SARDH: variants seen among roughly 807,000 people sequenced by gnomAD.
The protein encoded by SARDH is sarcosine dehydrogenase, mitochondrial.
A neutral mutation model predicts 109.1 loss-of-function variants in SARDH; 95 were observed. The observed-to-expected ratio is 0.87, with a 90% CI of 0.74 to 1.03. The LOEUF is 1.03. Ranked by LOEUF, SARDH falls within the 50% of genes least tolerant of loss-of-function variation. SARDH has a pLI of 0.00. For missense variants in SARDH, 1,267 were observed against 1,287.8 expected (o/e 0.98, Z 0.25); for synonymous variants, 572 against 534.8 (o/e 1.07, Z -0.96).
intron 1 of SARDH, among the ~76,000 whole-genome samples, chr9:133,736,390 G>GTTGTTTGTTTGT (rs1554763807): frequency 1.5e-4 from 22 of 150,390 alleles, no homozygotes; most frequent in African/African-American, 5.1e-4. Flanking sequence ...TGTTGTTGTT[G>GTTGTTTGTTTGT]TTGTTTGTTT....
intron 17 of SARDH, among the ~76,000 whole-genome samples, chr9:133,676,001 GGA>G (rs1198920310): frequency 6.6e-6 from 1 of 152,070 alleles, no homozygotes; most frequent in African/African-American, 2.4e-5. Context: ...GCTGAAGGGG[GGA>G]GGATCACTTG....
At chr9:133,665,692 G>T (rs1185781991) in intron 20 of SARDH, among the ~76,000 whole-genome samples, 1 of 152,232 alleles carries the variant, frequency 6.6e-6, no homozygotes, top group African/African-American at 2.4e-5. Context: ...CCATGGTCTT[G>T]CCCGAGGCCT....
chr9:133,703,316 G>A (rs1831562713), intron 12 of SARDH: 1 of 466,280 alleles, frequency 2.1e-6, no homozygotes, highest in Non-Finnish European at 3.9e-6. Flanking sequence ...GGGAACGACA[G>A]GGAGAGGTGG....
chr9:133,707,559 C>T (rs763910471), intron 11 of SARDH, among the ~76,000 whole-genome samples: 11 of 152,156 alleles, frequency 7.2e-5, no homozygotes, highest in African/African-American at 1.4e-4. Flanking sequence ...TCAGTTTAAA[C>T]GCCACCTGCT....
chr9:133,696,654 T>A (rs1173157479), intron 13 of SARDH, among the ~76,000 whole-genome samples: 1 of 152,052 alleles, frequency 6.6e-6, no homozygotes, highest in African/African-American at 2.4e-5. Context: ...TGTAATTAAA[T>A]TAGAAATCAA....
At chr9:133,729,425 G>A (rs899259721) in intron 6 of SARDH, among the ~76,000 whole-genome samples, 7 of 152,076 alleles carry the variant, frequency 4.6e-5, no homozygotes, top group African/African-American at 1.2e-4. Context: ...GCAAACATTC[G>A]GGTCTTCCCC....
At chr9:133,706,868 G>A (rs148711291) in intron 11 of SARDH, among the ~76,000 whole-genome samples, 10 of 152,120 alleles carry the variant, frequency 6.6e-5, no homozygotes, top group Non-Finnish European at 7.4e-5. Flanking sequence ...CTCCACCCCC[G>A]AGGCCCCAAG....
intron 11 of SARDH, among the ~76,000 whole-genome samples, chr9:133,707,211 C>A (rs1003605762): frequency 1.3e-5 from 2 of 152,184 alleles, no homozygotes; most frequent in African/African-American, 2.4e-5. Context: ...CGTGCTTCAG[C>A]CCTTGCCAAG....
At chr9:133,717,514 T>G in intron 7 of SARDH, 59 bp from the exon 8 acceptor site, 1 of 1,599,518 alleles carries the variant, frequency 6.3e-7, no homozygotes, top group African/African-American at 1.3e-5. Flanking sequence ...TGCATCCCCA[T>G]GCCAAACCTG....
chr9:133,668,303 C>G (rs1830150742), intron 19 of SARDH, among the ~76,000 whole-genome samples: 1 of 129,096 alleles, frequency 7.7e-6, no homozygotes, highest in Non-Finnish European at 1.7e-5. Flanking sequence ...CCCTCCCTCT[C>G]CCTCCCTCTC....
At chr9:133,662,855 G>T (rs1040524502), downstream of SARDH, among the ~76,000 whole-genome samples, 1 of 152,194 alleles carries the variant, frequency 6.6e-6, no homozygotes, top group Non-Finnish European at 1.5e-5. The surrounding 1 kb of genome is among the most constrained non-coding windows in gnomAD (Gnocchi z 5.1). Flanking sequence ...ACCTGGGCTC[G>T]GGGGGACAAG....
chr9:133,695,904 G>A (rs936867083), intron 14 of SARDH, among the ~76,000 whole-genome samples: 1 of 152,198 alleles, frequency 6.6e-6, no homozygotes, highest in African/African-American at 2.4e-5. Context: ...GAGAGCATGG[G>A]GGGGACTGGG....
chr9:133,703,361 G>A (rs547239530), intron 12 of SARDH: 21 of 361,440 alleles, frequency 5.8e-5, no homozygotes, highest in Non-Finnish European at 1.0e-4. Flanking sequence ...GCTCCCTGGA[G>A]CCACGGCAAT....
At chr9:133,673,837 C>T (rs532946257) in intron 17 of SARDH, among the ~76,000 whole-genome samples, 3 of 152,250 alleles carry the variant, frequency 2.0e-5, no homozygotes, top group South Asian at 2.1e-4. Context: ...ATTGCGGATC[C>T]CTGTTCAGAC....
chr9:133,665,839 C>T (rs570314261), intron 20 of SARDH, among the ~76,000 whole-genome samples: 2 of 152,382 alleles, frequency 1.3e-5, no homozygotes, highest in African/African-American at 4.8e-5. Context: ...ATTCCCTCTA[C>T]GTGTCCATCA....
chr9:133,698,668 C>G (rs1230249380), intron 13 of SARDH, among the ~76,000 whole-genome samples: 2 of 152,124 alleles, frequency 1.3e-5, no homozygotes, highest in Admixed American at 1.3e-4. Context: ...CAAGACAATT[C>G]CAAGGGTAGA....
intron 13 of SARDH, among the ~76,000 whole-genome samples, chr9:133,701,706 G>A (rs1481751855): frequency 6.6e-6 from 1 of 152,196 alleles, no homozygotes; most frequent in East Asian, 1.9e-4. Context: ...GCACTGAGCC[G>A]GCCCTGCTGC....
At chr9:133,707,811 G>T (rs541008158) in intron 11 of SARDH, among the ~76,000 whole-genome samples, 13 of 152,290 alleles carry the variant, frequency 8.5e-5, no homozygotes, top group African/African-American at 2.9e-4. Flanking sequence ...TGAGAAAGGG[G>T]CACCTGACAG....
chr9:133,671,776 CAGCTCCTA>C, intron 17 of SARDH, 79 bp from the exon 18 acceptor site: 1 of 1,475,114 alleles, frequency 6.8e-7, no homozygotes, highest in Non-Finnish European at 9.1e-7. Flanking sequence ...TTCCTGGTGG[CAGCTCCTA>C]CTGTCACCAG....
Sources: allele counts gnomAD v4.1 joint callset (sites outside exome capture counted in the v4.1 genomes callset), GRCh38; gene constraint gnomAD v4.1.1; non-coding constraint Gnocchi (gnomAD v3.1); transcripts MANE v1.5; gene names NCBI Gene and HGNC (gene_info 2026-07-23, HGNC 2026-07-21).